The following LDOC1 variants were observed in gnomAD, a reference collection of about 807,000 sequenced individuals.
LDOC1 encodes the protein LDOC1 regulator of NFKB signaling, also known as protein LDOC1.
Under a neutral mutation model 4.9 loss-of-function variants are expected in LDOC1, and 1 was observed. The observed-to-expected ratio is 0.20, with a 90% confidence interval of 0.07 to 0.96. The LOEUF is 0.96. Among genes scored for constraint, LDOC1 ranks in the 40% least tolerant of loss-of-function variants. LDOC1 has a pLI of 0.62. For missense variants in LDOC1, 76 were observed against 128.1 expected (o/e 0.59, Z 1.96); for synonymous variants, 55 against 58.3 (o/e 0.94, Z 0.26).
Position 141,176,308 on chromosome X carries a change from A to C in LDOC1, c.*273T>G. ...AGGACACAGTTCAGATTAGCAGGGG[A>C]GGGATCCCGGGGATGGCCAGGGTAG... On this transcript the variant is annotated 3_prime_UTR_variant, in exon 1 of 1. Coordinates refer to ENST00000370526, the MANE Select transcript of LDOC1 (RefSeq NM_012317.4). 2.5e-6 allele frequency: 1 copy of C among 396,824 alleles called. No individual in the cohort carries two copies. Among genetic ancestry groups the C allele is most frequent in the Non-Finnish European group, 4.4e-6 (1 of 226,861 alleles). The allele number at this position is 396,824 out of a possible 1,213,427, so 32.7% of individuals were successfully genotyped here.
rs1277352037 is a variant in LDOC1, at chrX:141,175,165, G to A, written c.*1416C>T. ...ATCTATGAGTGGGAATTCTAAGGAT[G>A]TCTGTCCAAGGAGAACGAAATGTTT... On this transcript the variant is annotated 3_prime_UTR_variant, in exon 1 of 1. Transcript: ENST00000370526. Among the ~76,000 whole-genome samples the A allele has an allele frequency of 8.9e-6, 1 of 112,157 alleles. No individual in the cohort carries two copies. Among genetic ancestry groups the A allele is most frequent in the Non-Finnish European group, 1.9e-5 (1 of 53,281 alleles).
rs782186744 is a variant in LDOC1, at chrX:141,176,620, G to A, written c.402C>T (p.Asp134=). 1.6e-5 allele frequency: 19 copies of A among 1,209,048 alleles called. No homozygotes were observed. The highest frequency in any genetic ancestry group is 2.1e-5 in the Non-Finnish European group (19 of 894,526). Residue 134 remains aspartate, a synonymous_variant, in exon 1 of 1, where the codon GAC becomes GAT. Coordinates refer to ENST00000370526, the MANE Select transcript of LDOC1 (RefSeq NM_012317.4). ...CCTCTTCTTCGTCGTCGTCGTCTTC[G>A]TCGTCATCCCAGCCAAAGCACTGTT... The part of the protein sequence containing the change: ...EMKQCFGWDD[D]EDDDDEEEED...
Position 141,173,470 on chromosome X carries a change from G to C in LDOC1, c.*3111C>G, listed in dbSNP as rs1190483901. ...TTCCTTCTTTTTTGCCATGCTTTAT[G>C]CCATTATCATGAATTCCTCCCTGGG... is the stretch of plus-strand genomic sequence containing the variant. On this transcript the variant is annotated 3_prime_UTR_variant, in exon 1 of 1. Coordinates refer to ENST00000370526, the MANE Select transcript of LDOC1 (RefSeq NM_012317.4). 9.0e-6 allele frequency: 1 copy of C among 111,287 alleles called. No homozygotes were observed. The highest frequency in any genetic ancestry group is 1.9e-5 in the Non-Finnish European group (1 of 53,106). The allele number at this position is 111,287 out of a possible 1,213,427, so 9.2% of individuals were successfully genotyped here. A position where few individuals can be genotyped will look rare whatever the true frequency, so the allele number is the denominator to read the frequency against.
In LDOC1 at chrX:141,176,575, G is replaced by C; in HGVS notation, c.*6C>G. On this transcript the variant is annotated 3_prime_UTR_variant, in exon 1 of 1. Coordinates refer to ENST00000370526, the MANE Select transcript of LDOC1 (RefSeq NM_012317.4). ...CCCTCCCCCCCGAGGCCCGAGGGTCGAGGGCCTAATAATCATCCTCCTCTT... is the reference window on the plus strand; with the variant it reads ...CCCTCCCCCCCGAGGCCCGAGGGTCCAGGGCCTAATAATCATCCTCCTCTT... 1 of 1,201,064 alleles carries C rather than the reference G, an allele frequency of 8.3e-7. No homozygotes were observed. Among genetic ancestry groups the C allele is most frequent in the Non-Finnish European group, 1.1e-6 (1 of 888,405 alleles).
rs2013599498 is a variant in LDOC1, at chrX:141,174,792, AAATT to A, written c.*1785_*1788del. 8.9e-6 allele frequency among the ~76,000 whole-genome samples: 1 copy of A among 112,358 alleles called. No individual in the cohort carries two copies. Among genetic ancestry groups the A allele is most frequent in the Non-Finnish European group, 1.9e-5 (1 of 53,298 alleles). On this transcript the variant is annotated 3_prime_UTR_variant, in exon 1 of 1. Coordinates refer to ENST00000370526, the MANE Select transcript of LDOC1 (RefSeq NM_012317.4). Reference sequence around the variant, plus strand: ...TAAACAGTACGGAAATGTGTTATCTAAATTAATTAAAGGTTATAAAGTCAAGTTG... The same window carrying A: ...TAAACAGTACGGAAATGTGTTATCTAAATTAAAGGTTATAAAGTCAAGTTG...
At position 141,176,443 on chromosome X, in the gene LDOC1, A is replaced by G. The variant is rs185089647; in HGVS notation, c.*138T>C. 240 of 734,227 alleles carry G rather than the reference A, an allele frequency of 3.3e-4. 1 individual carries two copies. The African/African-American group carries it at 4.6e-3, about 14-fold the overall frequency. The allele number at this position is 734,227 out of a possible 1,213,427, so 60.5% of individuals were successfully genotyped here. ...AGACAAGCACTACGGAGAAATGAAG[A>G]GAGAGAGCAGACGGGCGCGGGTAGG... On this transcript the variant is annotated 3_prime_UTR_variant, in exon 1 of 1. Transcript: ENST00000370526.
At position 141,176,472 on chromosome X, in the gene LDOC1, G is replaced by A. The variant is rs1340039631; in HGVS notation, c.*109C>T. 1.0e-5 allele frequency: 10 copies of A among 991,709 alleles called. No individual in the cohort carries two copies. Among genetic ancestry groups the A allele is most frequent in the Non-Finnish European group, 1.3e-5 (10 of 746,738 alleles). 81.7% of individuals were successfully genotyped at this position (991,709 alleles called of 1,213,427 possible). A position where few individuals can be genotyped will look rare whatever the true frequency, so the allele number is the denominator to read the frequency against. ...AGAGCAGACGGGCGCGGGTAGGTAAGGGGACCGGAGGGCAAGGGGGAGAGC... is the reference window on the plus strand; with the variant it reads ...AGAGCAGACGGGCGCGGGTAGGTAAAGGGACCGGAGGGCAAGGGGGAGAGC... On this transcript the variant is annotated 3_prime_UTR_variant, in exon 1 of 1. Coordinates refer to ENST00000370526, the MANE Select transcript of LDOC1 (RefSeq NM_012317.4).
chrX:141,177,015 C>T lies in LDOC1; in HGVS notation c.7G>A (p.Asp3Asn), dbSNP rs1556283597. Residue 3 changes from aspartate (D) to asparagine (N), a missense_variant, in exon 1 of 1, where the codon GAT becomes AAT. Physicochemically the swap from Asp to Asn is conservative, Grantham distance 23. Coordinates refer to ENST00000370526, the MANE Select transcript of LDOC1 (RefSeq NM_012317.4). MV[D>N]ELVLLLHALL... ...GCGTGCAGCAGCAGCACCAACTCAT[C>T]CACCATTGCGAACGGCCTGGAAGGA... 8.3e-7 allele frequency: 1 copy of T among 1,202,611 alleles called. No individual in the cohort carries two copies. The highest frequency in any genetic ancestry group is 1.1e-6 in the Non-Finnish European group (1 of 889,471).
Position 141,174,944 on chromosome X carries a change from T to C in LDOC1, c.*1637A>G, listed in dbSNP as rs2148478967. ...AAATCCCCAACCAAGCTGCTCTGCATTAAACATTTCAATGACTTAACCTGG... is the reference window on the plus strand; with the variant it reads ...AAATCCCCAACCAAGCTGCTCTGCACTAAACATTTCAATGACTTAACCTGG... On this transcript the variant is annotated 3_prime_UTR_variant, in exon 1 of 1. Coordinates refer to ENST00000370526, the MANE Select transcript of LDOC1 (RefSeq NM_012317.4). Among the ~76,000 whole-genome samples, 1 of 111,692 alleles carries C rather than the reference T, an allele frequency of 9.0e-6. No homozygotes were observed. Among genetic ancestry groups the C allele is most frequent in the African/African-American group, 3.2e-5 (1 of 30,771 alleles).
rs781823207 is a variant in LDOC1, at chrX:141,177,124, A to G, written c.-103T>C. 5.4e-4 allele frequency: 69 copies of G among 127,262 alleles called. No homozygotes were observed. Among genetic ancestry groups the G allele is most frequent in the South Asian group, 2.6e-3 (11 of 4,167 alleles). The allele number at this position is 127,262 out of a possible 1,213,427, so 10.5% of individuals were successfully genotyped here. On this transcript the variant is annotated 5_prime_UTR_variant, in exon 1 of 1. Transcript: ENST00000370526. ...GTGTCCACGGAGGCGCTTGGTGGCC[A>G]GGGGCGGGGGGCGGGGGGCGGTGTG...
rs1169659701 is a variant in LDOC1, at chrX:141,175,866, A to G, written c.*715T>C. ...TTAAGTACTATTTGTCCAAATGCAC[A>G]CATCTGTGGGACTGCTGCAATTTTG... On this transcript the variant is annotated 3_prime_UTR_variant, in exon 1 of 1. Transcript: ENST00000370526. 8.9e-6 allele frequency: 1 copy of G among 112,971 alleles called. No individual in the cohort carries two copies. The highest frequency in any genetic ancestry group is 1.9e-5 in the Non-Finnish European group (1 of 53,475). The allele number at this position is 112,971 out of a possible 1,213,427, so 9.3% of individuals were successfully genotyped here.
rs1556283658 is a variant in LDOC1 at position 141,177,112 on chromosome X, C to G, written c.-91G>C. 5.4e-6 allele frequency: 5 copies of G among 927,440 alleles called. No homozygotes were observed. The Admixed American group carries it at 1.5e-4, about 28-fold the overall frequency. 76.4% of individuals were successfully genotyped at this position (927,440 alleles called of 1,213,427 possible). A position where few individuals can be genotyped will look rare whatever the true frequency, so the allele number is the denominator to read the frequency against. On this transcript the variant is annotated 5_prime_UTR_variant, in exon 1 of 1. Coordinates refer to ENST00000370526, the MANE Select transcript of LDOC1 (RefSeq NM_012317.4). ...CGCAGGAAGTGCGTGTCCACGGAGG[C>G]GCTTGGTGGCCAGGGGCGGGGGGCG...
In LDOC1 at chrX:141,173,918, G is replaced by A. The variant is rs782253195; in HGVS notation, c.*2663C>T. Among the ~76,000 whole-genome samples, 231 of 112,028 alleles carry A rather than the reference G, an allele frequency of 2.1e-3. 1 individual carries two copies. Among genetic ancestry groups the A allele is most frequent in the African/African-American group, 7.4e-3 (227 of 30,865 alleles). ...CATCAAAGTTCTGACCCAGGGCACAGTAAAAGCAGCAGACTGGACTCGCTA... is the reference window on the plus strand; with the variant it reads ...CATCAAAGTTCTGACCCAGGGCACAATAAAAGCAGCAGACTGGACTCGCTA... On this transcript the variant is annotated 3_prime_UTR_variant, in exon 1 of 1. Coordinates refer to ENST00000370526, the MANE Select transcript of LDOC1 (RefSeq NM_012317.4).
At position 141,175,343 on chromosome X, in the gene LDOC1, A is replaced by C. The variant is rs889816064; in HGVS notation, c.*1238T>G. Among the ~76,000 whole-genome samples the C allele has an allele frequency of 3.6e-5, 4 of 112,333 alleles. No individual in the cohort carries two copies. The highest frequency in any genetic ancestry group is 1.3e-4 in the African/African-American group (4 of 30,882). On this transcript the variant is annotated 3_prime_UTR_variant, in exon 1 of 1. Coordinates refer to ENST00000370526, the MANE Select transcript of LDOC1 (RefSeq NM_012317.4). ...TCTGGAGTCTGAACTCAACAGCTGC[A>C]CATAGGCAATAAGGATTAAGGGGCA...
In LDOC1 at chrX:141,176,367, C is replaced by T. The variant is rs1295864319; in HGVS notation, c.*214G>A. On this transcript the variant is annotated 3_prime_UTR_variant, in exon 1 of 1. Coordinates refer to ENST00000370526, the MANE Select transcript of LDOC1 (RefSeq NM_012317.4). Reference sequence around the variant, plus strand: ...TCCAAGCACTTCCGAGTGAGTGAGGCTCCAGCCCCGACCCCAGCAGCAGGT... The same window carrying T: ...TCCAAGCACTTCCGAGTGAGTGAGGTTCCAGCCCCGACCCCAGCAGCAGGT... 2.1e-6 allele frequency: 1 copy of T among 480,034 alleles called. No individual in the cohort carries two copies. The highest frequency in any genetic ancestry group is 4.0e-5 in the Admixed American group (1 of 24,711). The allele number at this position is 480,034 out of a possible 1,213,427, so 39.6% of individuals were successfully genotyped here.
rs2013615711 is a variant in LDOC1, at chrX:141,176,444, G to A, written c.*137C>T. 1 of 747,799 alleles carries A rather than the reference G, an allele frequency of 1.3e-6. No homozygotes were observed. Among genetic ancestry groups the A allele is most frequent in the African/African-American group, 2.2e-5 (1 of 46,442 alleles). The allele number at this position is 747,799 out of a possible 1,213,427, so 61.6% of individuals were successfully genotyped here. On this transcript the variant is annotated 3_prime_UTR_variant, in exon 1 of 1. Coordinates refer to ENST00000370526, the MANE Select transcript of LDOC1 (RefSeq NM_012317.4). ...GACAAGCACTACGGAGAAATGAAGAGAGAGAGCAGACGGGCGCGGGTAGGT... is the reference window on the plus strand; with the variant it reads ...GACAAGCACTACGGAGAAATGAAGAAAGAGAGCAGACGGGCGCGGGTAGGT...
chrX:141,176,515 T>C lies in LDOC1; in HGVS notation c.*66A>G. On this transcript the variant is annotated 3_prime_UTR_variant, in exon 1 of 1. Transcript: ENST00000370526. Reference sequence around the variant, plus strand: ...GGGAGAGCAGTGGCTCCTGGCGGGGTGAGGGCTGCGGGGAGGGGGTGGCGG... The same window carrying C: ...GGGAGAGCAGTGGCTCCTGGCGGGGCGAGGGCTGCGGGGAGGGGGTGGCGG... 1 of 1,123,403 alleles carries C rather than the reference T, an allele frequency of 8.9e-7. No homozygotes were observed. Among genetic ancestry groups the C allele is most frequent in the Non-Finnish European group, 1.2e-6 (1 of 851,538 alleles). The allele number at this position is 1,123,403 out of a possible 1,213,427, so 92.6% of individuals were successfully genotyped here. A position where few individuals can be genotyped will look rare whatever the true frequency, so the allele number is the denominator to read the frequency against.
Position 141,174,334 on chromosome X carries a change from C to T in LDOC1, c.*2247G>A, listed in dbSNP as rs2013595641. 9.0e-6 allele frequency among the ~76,000 whole-genome samples: 1 copy of T among 111,419 alleles called. No homozygotes were observed. Among genetic ancestry groups the T allele is most frequent in the Non-Finnish European group, 1.9e-5 (1 of 53,091 alleles). On this transcript the variant is annotated 3_prime_UTR_variant, in exon 1 of 1. Transcript: ENST00000370526. ...GCCTCTTTTATTAAGTCATACGCAA[C>T]CCTGTCCCCACCCTCCAGAAACAGC... is the stretch of plus-strand genomic sequence containing the variant.
chrX:141,174,191 T>C lies in LDOC1; in HGVS notation c.*2390A>G, dbSNP rs782235496. The stretch of plus-strand genomic sequence containing the variant: ...CTCTTCCAAGGGGTTTTGTATATTT[T>C]CCAAGGAGACTGGGAGAAGTGATCA... On this transcript the variant is annotated 3_prime_UTR_variant, in exon 1 of 1. Coordinates refer to ENST00000370526, the MANE Select transcript of LDOC1 (RefSeq NM_012317.4). 1.3e-3 allele frequency among the ~76,000 whole-genome samples: 144 copies of C among 111,665 alleles called. No homozygotes were observed. Among genetic ancestry groups the C allele is most frequent in the African/African-American group, 4.3e-3 (131 of 30,738 alleles).
Sources: allele counts gnomAD v4.1 joint callset (sites outside exome capture counted in the v4.1 genomes callset), GRCh38; gene constraint gnomAD v4.1.1; transcripts MANE v1.5; gene names NCBI Gene and HGNC (gene_info 2026-07-23, HGNC 2026-07-21).